The following SGK1 variants were observed in gnomAD, a reference collection of about 807,000 sequenced individuals.
SGK1 encodes serum/glucocorticoid regulated kinase 1.
SGK1 carries 26 observed loss-of-function variants against 64.2 expected under a neutral mutation model. The ratio of observed to expected loss-of-function variants is 0.40; its 90% CI spans 0.30 to 0.56. The LOEUF (loss-of-function observed/expected upper bound fraction) is 0.56, where lower values mean the gene tolerates loss of function less well. SGK1 is among the 20% of genes least tolerant of loss of function. The pLI, the probability that SGK1 is intolerant of heterozygous loss-of-function variation, is 0.38. For synonymous variants in SGK1, 265 were observed against 239.7 expected, an observed-to-expected ratio of 1.11 and a Z score of -0.98; for missense variants, 519 against 645.6, an observed-to-expected ratio of 0.80 and a Z score of 2.12.
chr6:134,267,217 G>GT (rs1039708247), intron 1 of SGK1, among the ~76,000 whole-genome samples: 11 of 150,606 alleles, frequency 7.3e-5, no homozygotes, highest in African/African-American at 2.7e-4. Context: ...ATTTCTTTTT[G>GT]TTTTTTATTT....
At chr6:134,240,490 C>T (rs1207947352) in intron 2 of SGK1, among the ~76,000 whole-genome samples, 3 of 151,166 alleles carry the variant, frequency 2.0e-5, no homozygotes, top group Non-Finnish European at 4.4e-5. Context: ...TGTTCGGAAT[C>T]CTGGCTCTGC....
intron 2 of SGK1, chr6:134,260,919 T>C (rs1776757771): frequency 6.6e-6 from 1 of 152,186 alleles, no homozygotes; most frequent in African/African-American, 2.4e-5. Flanking sequence ...TGTAATAACA[T>C]GTTCTGTCTT....
intron 3 of SGK1, among the ~76,000 whole-genome samples, chr6:134,186,714 T>C (rs1743605551): frequency 6.6e-6 from 1 of 152,222 alleles, no homozygotes; most frequent in South Asian, 2.1e-4. Flanking sequence ...CTTACTCAGA[T>C]TGAGTTGTTG....
intron 1 of SGK1, among the ~76,000 whole-genome samples, chr6:134,289,100 C>A (rs1777226176): frequency 6.6e-6 from 1 of 152,156 alleles, no homozygotes; most frequent in South Asian, 2.1e-4. Flanking sequence ...AATAGAGAAA[C>A]CTGTCTGAAT....
In SGK1 at chr6:134,282,829, C is replaced by T. The variant is rs1033283333; in HGVS notation, c.70-20681G>A. Among the ~76,000 whole-genome samples the T allele has an allele frequency of 2.0e-5, 3 of 151,712 alleles. No homozygotes were observed. The East Asian group carries it at 5.8e-4, about 29-fold the overall frequency. The stretch of plus-strand genomic sequence containing the variant: ...ACAGATTTCAGACTTGCCATCTCCA[C>T]AGCTGCATGAGCCAATTCATTGAAA... On this transcript the variant is annotated intron_variant, in intron 1 of 13. Coordinates refer to ENST00000367858, the MANE Select transcript of SGK1 (RefSeq NM_001143676.3).
chr6:134,270,486 C>T (rs1776922616), intron 1 of SGK1, among the ~76,000 whole-genome samples: 1 of 148,332 alleles, frequency 6.7e-6, no homozygotes, highest in South Asian at 2.2e-4. Context: ...GTTTTGCTAA[C>T]ATCCTCCATC....
Position 134,171,049 on chromosome 6 carries a change from T to C in SGK1, c.1297A>G (p.Lys433Glu), listed in dbSNP as rs1362850200. The C allele has an allele frequency of 6.2e-7, 1 of 1,614,016 alleles. No individual in the cohort carries two copies. Among genetic ancestry groups the C allele is most frequent in the African/African-American group, 1.3e-5 (1 of 74,934 alleles). ...LEGLLQKDRT[K>E]RLGAKDDFME... ...AAGTCATCCTTGGCCCCGAGCCGCTTTGTCCTGTCCTTCTGCAGGAGGCCC... is the reference window on the plus strand; with the variant it reads ...AAGTCATCCTTGGCCCCGAGCCGCTCTGTCCTGTCCTTCTGCAGGAGGCCC... The change falls in exon 12 of 14, where the codon AAG becomes GAG. Residue 433 changes from lysine (K) to glutamate (E), a missense_variant. Transcript: ENST00000367858.
At chr6:134,316,728 C>A (rs1777690034) in intron 1 of SGK1, among the ~76,000 whole-genome samples, 1 of 135,286 alleles carries the variant, frequency 7.4e-6, no homozygotes, top group Non-Finnish European at 1.5e-5. Context: ...ATACAGACCT[C>A]CCACTGCTCT....
At chr6:134,276,122 A>C (rs950557195) in intron 1 of SGK1, among the ~76,000 whole-genome samples, 1 of 152,184 alleles carries the variant, frequency 6.6e-6, no homozygotes, top group East Asian at 1.9e-4. Flanking sequence ...GCTCACAAGG[A>C]AAGAGACTCA....
intron 1 of SGK1, among the ~76,000 whole-genome samples, chr6:134,291,702 T>A (rs1259361781): frequency 6.6e-6 from 1 of 152,234 alleles, no homozygotes; most frequent in Non-Finnish European, 1.5e-5. Flanking sequence ...GGAACACTTA[T>A]TCTATTTTAT....
chr6:134,275,325 G>A (rs560253386), intron 1 of SGK1, among the ~76,000 whole-genome samples: 1 of 152,294 alleles, frequency 6.6e-6, no homozygotes, highest in South Asian at 2.1e-4. Flanking sequence ...GGGATTACAG[G>A]TGTGACCCAC....
intron 3 of SGK1, chr6:134,175,411 C>G (rs536173768): frequency 1.5e-6 from 2 of 1,301,078 alleles, no homozygotes; most frequent in Admixed American, 4.1e-5. Flanking sequence ...CGCGCGCGAC[C>G]TCGCCCGCCA....
At chr6:134,217,993 T>C (rs1470741389) in intron 2 of SGK1, among the ~76,000 whole-genome samples, 4 of 152,224 alleles carry the variant, frequency 2.6e-5, no homozygotes, top group Admixed American at 1.3e-4. Flanking sequence ...CAGCAAGCAC[T>C]TGAATTTAAA....
chr6:134,288,153 A>C (rs4896038), intron 1 of SGK1, among the ~76,000 whole-genome samples: 29,738 of 152,194 alleles, frequency 0.2, 3,652 homozygotes, highest in East Asian at 0.57. Context: ...AATTAAGTTT[A>C]GCCTAAGCTA....
intron 2 of SGK1, among the ~76,000 whole-genome samples, chr6:134,236,076 A>G (rs1314122872): frequency 1.3e-5 from 2 of 151,980 alleles, no homozygotes; most frequent in African/African-American, 4.8e-5. Context: ...TGATGATTCT[A>G]TTAGTTCTTG....
chr6:134,282,349 G>A (rs1777106205), intron 1 of SGK1, among the ~76,000 whole-genome samples: 1 of 152,068 alleles, frequency 6.6e-6, no homozygotes, highest in African/African-American at 2.4e-5. Flanking sequence ...TTTACAATCA[G>A]TTAACTTCTA....
chr6:134,177,394 C>T (rs907426499), intron 3 of SGK1, among the ~76,000 whole-genome samples: 1 of 152,216 alleles, frequency 6.6e-6, no homozygotes, highest in East Asian at 1.9e-4. Context: ...CAGTGCCACC[C>T]GTATGTCATG....
At chr6:134,258,094 C>T (rs1466032255) in intron 2 of SGK1, among the ~76,000 whole-genome samples, 3 of 151,790 alleles carry the variant, frequency 2.0e-5, no homozygotes. Flanking sequence ...CCTATAAAAA[C>T]ACAAAATATA....
chr6:134,202,479 A>G (rs1448526916), intron 3 of SGK1, among the ~76,000 whole-genome samples: 5 of 151,956 alleles, frequency 3.3e-5, no homozygotes, highest in Admixed American at 1.3e-4. Context: ...CCCTGTCTCT[A>G]TTAAAAATAC....
Sources: allele counts gnomAD v4.1 joint callset (sites outside exome capture counted in the v4.1 genomes callset), GRCh38; gene constraint gnomAD v4.1.1; transcripts MANE v1.5; gene names NCBI Gene and HGNC (gene_info 2026-07-23, HGNC 2026-07-21).